SHANK2: variants seen among roughly 807,000 people sequenced by gnomAD.
SHANK2 encodes SH3 and multiple ankyrin repeat domains 2, also known as SH3 and multiple ankyrin repeat domains protein 2.
SHANK2 carries 43 observed loss-of-function variants against 133.7 expected under a neutral mutation model. The observed-to-expected ratio is 0.32, with a 90% CI of 0.25 to 0.41. The LOEUF (loss-of-function observed/expected upper bound fraction) is 0.41, where lower values mean the gene tolerates loss of function less well. Among genes scored for constraint, SHANK2 ranks in the 10% least tolerant of loss-of-function variants. The pLI is 1.00. For missense variants in SHANK2, 1,994 were observed against 2,235.8 expected, an observed-to-expected ratio of 0.89 and a Z score of 2.18; for synonymous variants, 1,017 against 952.8, an observed-to-expected ratio of 1.07 and a Z score of -1.24.
Position 70,850,477 on chromosome 11 carries a change from G to C in SHANK2, c.1175-29795C>G, listed in dbSNP as rs114562107. ...TACCAGCTCTCCCTCCTGCCCATCA[G>C]ACAGTCCCTAAAGCACCTGTGAGGA... On this transcript the variant is annotated intron_variant, in intron 11 of 25. Coordinates refer to ENST00000601538, the MANE Select transcript of SHANK2 (RefSeq NM_012309.5). 4.2e-3 allele frequency among the ~76,000 whole-genome samples: 635 copies of C among 152,288 alleles called. 5 individuals are homozygous for C. Among genetic ancestry groups the C allele is most frequent in the African/African-American group, 0.015 (603 of 41,572 alleles).
chr11:70,876,588 TAC>T lies in SHANK2; in HGVS notation c.1174+19911_1174+19912del, dbSNP rs3064230. On this transcript the variant is annotated intron_variant, in intron 11 of 25. Transcript: ENST00000601538. ...AAAAGAAAAAAAAAGAAAAAAATTATACACACACACACACACACACACGCACA... is the reference window on the plus strand; with the variant it reads ...AAAAGAAAAAAAAAGAAAAAAATTATACACACACACACACACACACGCACA... Among the ~76,000 whole-genome samples the T allele has an allele frequency of 7.5e-3, 1,007 of 135,160 alleles. 10 individuals are homozygous for T. The highest frequency in any genetic ancestry group is 0.072 in the East Asian group (325 of 4,534). The allele number at this position is 135,160 out of a possible 152,430, so 88.7% of individuals were successfully genotyped here. A position where few individuals can be genotyped will look rare whatever the true frequency, so the allele number is the denominator to read the frequency against.
chr11:70,917,660 A>G (rs1354085832), intron 10 of SHANK2, among the ~76,000 whole-genome samples: 1 of 152,236 alleles, frequency 6.6e-6, no homozygotes, highest in African/African-American at 2.4e-5. Context: ...TACACCATGG[A>G]ATACTACGCA....
intron 17 of SHANK2, among the ~76,000 whole-genome samples, chr11:70,551,260 C>T (rs1173165905): frequency 3.3e-5 from 5 of 152,192 alleles, no homozygotes; most frequent in African/African-American, 1.2e-4. Context: ...GAGGCTCTTT[C>T]CCGAGGCCTT....
chr11:71,243,721 G>A (rs962041065), intron 1 of SHANK2, among the ~76,000 whole-genome samples: 5 of 152,048 alleles, frequency 3.3e-5, no homozygotes, highest in African/African-American at 1.2e-4. Flanking sequence ...TAATAATAAT[G>A]AGACGGTGCT....
chr11:71,124,401 T>C (rs1273872192), intron 3 of SHANK2, among the ~76,000 whole-genome samples: 2 of 150,808 alleles, frequency 1.3e-5, no homozygotes, highest in African/African-American at 4.9e-5. Flanking sequence ...AAGATGATGG[T>C]GATGACAGTG....
chr11:70,736,307 T>A (rs1214816380), intron 14 of SHANK2, among the ~76,000 whole-genome samples: 1 of 152,068 alleles, frequency 6.6e-6, no homozygotes, highest in Non-Finnish European at 1.5e-5. Context: ...TGAGTGCTGG[T>A]CCCCAAAAGA....
intron 14 of SHANK2, among the ~76,000 whole-genome samples, chr11:70,762,377 C>T (rs1474111297): frequency 5.9e-5 from 9 of 152,198 alleles, no homozygotes; most frequent in Middle Eastern, 3.4e-3. Flanking sequence ...GCATCCAGGG[C>T]CCCCCAGACC....
At chr11:70,866,651 A>G (rs931256486) in intron 11 of SHANK2, among the ~76,000 whole-genome samples, 10 of 152,204 alleles carry the variant, frequency 6.6e-5, no homozygotes, top group African/African-American at 1.9e-4. Context: ...CTAAAGTCCT[A>G]TCTCAGTAGG....
At chr11:70,841,831 C>G (rs879953971) in intron 11 of SHANK2, among the ~76,000 whole-genome samples, 3 of 152,190 alleles carry the variant, frequency 2.0e-5, no homozygotes, top group Non-Finnish European at 2.9e-5. Flanking sequence ...CAGGCCTCAA[C>G]CCCAACCCTG....
At chr11:70,594,303 A>C (rs1401136901) in intron 17 of SHANK2, among the ~76,000 whole-genome samples, 1 of 152,184 alleles carries the variant, frequency 6.6e-6, no homozygotes, top group Admixed American at 6.5e-5. Context: ...GAGTCCACAC[A>C]CGGTTGCCCT....
At chr11:71,248,722 G>GCCT (rs1555125373) in intron 1 of SHANK2, among the ~76,000 whole-genome samples, 1 of 152,160 alleles carries the variant, frequency 6.6e-6, no homozygotes, top group Non-Finnish European at 1.5e-5. Context: ...CAAGGACTGG[G>GCCT]TCATTCTGCC....
rs995398741 is a variant in SHANK2 at position 71,188,054 on chromosome 11, C to T, written c.-13+36643G>A. Among the ~76,000 whole-genome samples, 30 of 152,134 alleles carry T rather than the reference C, an allele frequency of 2.0e-4. No individual in the cohort carries two copies. The highest frequency in any genetic ancestry group is 5.9e-5 in the Non-Finnish European group (4 of 68,008). On this transcript the variant is annotated intron_variant, in intron 2 of 25. Coordinates refer to ENST00000601538, the MANE Select transcript of SHANK2 (RefSeq NM_012309.5). This position sits in a 1 kb window ranked among gnomAD's most constrained non-coding sequence, Gnocchi z 4.6. Reference sequence around the variant, plus strand: ...ACGAAACTGAGGTAGGCTAACCTGGCGGGTCAAAGGTCAGACCCCACACAG... The same window carrying T: ...ACGAAACTGAGGTAGGCTAACCTGGTGGGTCAAAGGTCAGACCCCACACAG...
intron 17 of SHANK2, among the ~76,000 whole-genome samples, chr11:70,609,595 C>T (rs1474253743): frequency 1.3e-5 from 2 of 151,654 alleles, no homozygotes; most frequent in African/African-American, 2.4e-5. Context: ...AAACGTGGCA[C>T]GTACAAATGA....
rs1416274035 is a variant in SHANK2 at position 70,728,908 on chromosome 11, T to C, written c.1778-30145A>G. Among the ~76,000 whole-genome samples, 4 of 152,110 alleles carry C rather than the reference T, an allele frequency of 2.6e-5. No individual in the cohort carries two copies. In the South Asian group the frequency reaches 8.3e-4, roughly 32 times the overall value. ...GCACGGACTGACTGGTGTTGGCACCTGAGAAGGAATGAAGGGCCGGGCGTG... is the reference window on the plus strand; with the variant it reads ...GCACGGACTGACTGGTGTTGGCACCCGAGAAGGAATGAAGGGCCGGGCGTG... On this transcript the variant is annotated intron_variant, in intron 14 of 25. Transcript: ENST00000601538.
At chr11:71,225,040 A>T (rs1305364698) in intron 1 of SHANK2, among the ~76,000 whole-genome samples, 1 of 152,226 alleles carries the variant, frequency 6.6e-6, no homozygotes, top group East Asian at 1.9e-4. Context: ...CCAGCCAGGG[A>T]CATGGTGTGA....
intron 10 of SHANK2, among the ~76,000 whole-genome samples, chr11:70,955,280 T>C (rs1555087528): frequency 2.0e-5 from 3 of 151,996 alleles, no homozygotes; most frequent in African/African-American, 7.2e-5. Flanking sequence ...TCTCCAAATA[T>C]ACAATGCCAG....
intron 11 of SHANK2, among the ~76,000 whole-genome samples, chr11:70,838,177 G>A (rs1948852239): frequency 6.6e-6 from 1 of 152,022 alleles, no homozygotes; most frequent in Non-Finnish European, 1.5e-5. Flanking sequence ...CCTGGGGCAG[G>A]GGAGGGGCCT....
At chr11:70,943,820 C>T (rs537770550) in intron 10 of SHANK2, 5 of 427,852 alleles carry the variant, frequency 1.2e-5, no homozygotes, top group African/African-American at 2.0e-5. Context: ...CCACCCAATC[C>T]CTTCCTCACC....
chr11:71,074,621 C>T (rs1951194828), intron 9 of SHANK2, among the ~76,000 whole-genome samples: 1 of 152,076 alleles, frequency 6.6e-6, no homozygotes, highest in Non-Finnish European at 1.5e-5. Context: ...ACAATGCGAG[C>T]TATTTTGCAA....
Sources: gnomAD v4.1 joint callset for allele counts (sites outside exome capture counted in the v4.1 genomes callset) on GRCh38, gnomAD v4.1.1 for gene constraint, Gnocchi (gnomAD v3.1) non-coding constraint, MANE v1.5 for transcripts, NCBI Gene and HGNC (gene_info 2026-07-23, HGNC 2026-07-21) for gene names.